Variants in DDHD1 observed in about 807,000 individuals in gnomAD.
The protein encoded by DDHD1 is DDHD domain containing 1, also known as phospholipase DDHD1.
A neutral mutation model predicts 96.4 loss-of-function variants in DDHD1; 49 were observed. That is an observed-to-expected ratio of 0.51 (90% CI 0.40 to 0.64). The LOEUF (loss-of-function observed/expected upper bound fraction) is 0.64. DDHD1 is among the 30% of genes least tolerant of loss of function. DDHD1 has a pLI of 0.00. For synonymous variants in DDHD1, 442 were observed against 446.5 expected (o/e 0.99, Z 0.13); for missense variants, 1,106 against 1,161.2 (o/e 0.95, Z 0.69).
At chr14:53,075,301 T>C (rs906097623) in intron 4 of DDHD1, among the ~76,000 whole-genome samples, 1 of 152,058 alleles carries the variant, frequency 6.6e-6, no homozygotes, top group Non-Finnish European at 1.5e-5. Context: ...ACTACTCCAG[T>C]GAACACACAA....
At chr14:53,108,228 C>A (rs1434709341) in intron 1 of DDHD1, among the ~76,000 whole-genome samples, 1 of 152,232 alleles carries the variant, frequency 6.6e-6, no homozygotes, top group Non-Finnish European at 1.5e-5. Context: ...GAGGCGCCCA[C>A]TGCTCTTCCC....
At chr14:53,058,384 G>C (rs1883250159) in intron 9 of DDHD1, 93 bp downstream of exon 9, 2 of 1,406,530 alleles carry the variant, frequency 1.4e-6, no homozygotes, top group African/African-American at 1.4e-5. Flanking sequence ...CAAAGTGCTG[G>C]GATTACAAGC....
chr14:53,086,197 G>A (rs1450810882), intron 4 of DDHD1, among the ~76,000 whole-genome samples: 1 of 152,140 alleles, frequency 6.6e-6, no homozygotes, highest in Non-Finnish European at 1.5e-5. Context: ...AAAGTGACGG[G>A]GAGAACTGGA....
chr14:53,112,342 A>G (rs56659408), intron 1 of DDHD1, among the ~76,000 whole-genome samples: 5,092 of 152,094 alleles, frequency 0.033, 293 homozygotes, highest in African/African-American at 0.11. Context: ...GCTTGAACCC[A>G]GAAGGCAGAG....
chr14:53,053,492 G>A (rs563707376), intron 11 of DDHD1: 25 of 152,196 alleles, frequency 1.6e-4, no homozygotes, highest in African/African-American at 6.0e-4. Context: ...GGAGTTGACT[G>A]TGGAAGAATT....
At chr14:53,122,395 C>T (rs950530279) in intron 1 of DDHD1, among the ~76,000 whole-genome samples, 1 of 152,162 alleles carries the variant, frequency 6.6e-6, no homozygotes, top group Non-Finnish European at 1.5e-5. Context: ...TAACAGTCCC[C>T]ATGGGGCAGC....
chr14:53,124,030 G>A (rs1208305722), intron 1 of DDHD1, among the ~76,000 whole-genome samples: 5 of 151,656 alleles, frequency 3.3e-5, no homozygotes, highest in Admixed American at 2.6e-4. Flanking sequence ...TCAGGAGTTC[G>A]AGACCAGCCT....
At chr14:53,076,749 T>C (rs1165357476) in intron 4 of DDHD1, among the ~76,000 whole-genome samples, 2 of 152,186 alleles carry the variant, frequency 1.3e-5, no homozygotes, top group African/African-American at 2.4e-5. Flanking sequence ...ACTACCATCC[T>C]GGTCAGCAGC....
In DDHD1 at chr14:53,042,680, A is replaced by G. The variant is rs1011391178; in HGVS notation, c.*4088T>C. 17 of 152,254 alleles carry G rather than the reference A, an allele frequency of 1.1e-4. No homozygotes were observed. The highest frequency in any genetic ancestry group is 4.1e-4 in the African/African-American group (17 of 41,468). The allele number at this position is 152,254 out of a possible 1,614,324, so 9.4% of individuals were successfully genotyped here. A position where few individuals can be genotyped will look rare whatever the true frequency, so the allele number is the denominator to read the frequency against. On this transcript the variant is annotated 3_prime_UTR_variant, in exon 13 of 13. Transcript: ENST00000673822. ...AGATTCTTATGTTTTAAGTTCAGCC[A>G]GAGTACCATCAGATTCCTGGCAGAG...
At chr14:53,108,863 T>C (rs754482405) in intron 1 of DDHD1, among the ~76,000 whole-genome samples, 23 of 152,234 alleles carry the variant, frequency 1.5e-4, no homozygotes, top group Non-Finnish European at 3.1e-4. Context: ...AATATTTTAT[T>C]TGGTTGGAGC....
intron 2 of DDHD1, among the ~76,000 whole-genome samples, chr14:53,094,018 CA>C (rs1025676564): frequency 6.6e-6 from 1 of 150,740 alleles, no homozygotes. Flanking sequence ...TACAAAAATA[CA>C]AAAAAAAATT....
At chr14:53,048,344 T>G (rs901021813) in intron 12 of DDHD1, among the ~76,000 whole-genome samples, 1 of 150,922 alleles carries the variant, frequency 6.6e-6, no homozygotes, top group Non-Finnish European at 1.5e-5. Flanking sequence ...GGCTGTTTTT[T>G]TTTTTTTTTT....
intron 4 of DDHD1, among the ~76,000 whole-genome samples, chr14:53,085,800 T>G (rs769629719): frequency 6.6e-6 from 1 of 152,106 alleles, no homozygotes; most frequent in African/African-American, 2.4e-5. Context: ...GAGAATGACT[T>G]TGATGAGCTG....
rs1881320681 is a variant in DDHD1 at position 53,037,140 on chromosome 14, T to C, written c.*9628A>G. ...TTTATGGCTGCCTAATACTCCATGA[T>C]TTATATGTACCACATTTTCTTTATC... is the stretch of plus-strand genomic sequence containing the variant. On this transcript the variant is annotated 3_prime_UTR_variant, in exon 13 of 13. Coordinates refer to ENST00000673822, the MANE Select transcript of DDHD1 (RefSeq NM_001160148.2). The C allele has an allele frequency of 6.6e-6, 1 of 152,160 alleles. No homozygotes were observed. The highest frequency in any genetic ancestry group is 1.5e-5 in the Non-Finnish European group (1 of 68,018). 9.4% of individuals were successfully genotyped at this position (152,160 alleles called of 1,614,324 possible). A position where few individuals can be genotyped will look rare whatever the true frequency, so the allele number is the denominator to read the frequency against.
At chr14:53,120,887 G>C (rs532271769) in intron 1 of DDHD1, among the ~76,000 whole-genome samples, 28 of 152,220 alleles carry the variant, frequency 1.8e-4, no homozygotes, top group Middle Eastern at 3.4e-3. Flanking sequence ...ACATAGGCAT[G>C]GACAAAGACT....
At position 53,152,582 on chromosome 14, in the gene DDHD1, T is replaced by G; in HGVS notation, c.517A>C (p.Lys173Gln). The G allele has an allele frequency of 3.1e-6, 5 of 1,613,790 alleles. No individual in the cohort carries two copies. Among genetic ancestry groups the G allele is most frequent in the Non-Finnish European group, 4.2e-6 (5 of 1,179,926 alleles). Reference protein sequence around the residue: ...LGPEEVRWFYKEDKKTWKPFI... With the variant: ...LGPEEVRWFYQEDKKTWKPFI... ...GGCTTCCAGGTCTTCTTGTCCTCCT[T>G]GTAGAACCAGCGTACCTCCTCCGGG... Residue 173 changes from lysine to glutamine, a missense_variant, in exon 1 of 13, where the codon AAG becomes CAG. Around this residue, in one of 2 missense-constraint regions of DDHD1, gnomAD observed 456 missense variants for 402.4 expected, o/e 1.13. Transcript: ENST00000673822.
intron 7 of DDHD1, among the ~76,000 whole-genome samples, chr14:53,062,544 A>C (rs979038465): frequency 6.6e-6 from 1 of 152,084 alleles, no homozygotes; most frequent in South Asian, 2.1e-4. Context: ...TAAAAAAAGC[A>C]CTTAAAAATT....
At chr14:53,145,484 C>T (rs1462917384) in intron 1 of DDHD1, among the ~76,000 whole-genome samples, 1 of 73,724 alleles carries the variant, frequency 1.4e-5, no homozygotes, top group East Asian at 3.5e-4. Flanking sequence ...GCCTAAGCGA[C>T]AGAACAAAAC....
intron 6 of DDHD1, among the ~76,000 whole-genome samples, chr14:53,067,234 C>G (rs1322559323): frequency 2.6e-5 from 4 of 151,398 alleles, no homozygotes; most frequent in Non-Finnish European, 5.9e-5. Context: ...CCTCGACTAA[C>G]TGCAACCTCC....
Sources: allele counts gnomAD v4.1 joint callset (sites outside exome capture counted in the v4.1 genomes callset), GRCh38; gene constraint gnomAD v4.1.1; regional missense constraint gnomAD v4.1.1; transcripts MANE v1.5; gene names NCBI Gene and HGNC (gene_info 2026-07-23, HGNC 2026-07-21).